GRIN2A: variants seen among roughly 807,000 people sequenced by gnomAD.
GRIN2A encodes glutamate ionotropic receptor NMDA type subunit 2A, also known as glutamate receptor ionotropic, NMDA 2A.
In GRIN2A, 22 loss-of-function variants were observed where a neutral mutation model predicts 113.4. The observed-to-expected ratio is 0.19, with a 90% CI of 0.14 to 0.28. The LOEUF is 0.28. GRIN2A is among the 10% of genes least tolerant of loss of function. GRIN2A has a pLI of 1.00. For missense variants in GRIN2A, 1,502 were observed against 1,887.0 expected, an observed-to-expected ratio of 0.80 and a Z score of 3.78; for synonymous variants, 827 against 738.4, an observed-to-expected ratio of 1.12 and a Z score of -1.94.
At chr16:10,121,486 G>A (rs1220288710) in intron 2 of GRIN2A, 1 of 152,098 alleles carries the variant, frequency 6.6e-6, no homozygotes. Flanking sequence ...CAGAGCCCCG[G>A]GAGCCCACAC....
intron 2 of GRIN2A, among the ~76,000 whole-genome samples, chr16:9,988,382 C>T (rs375984326): frequency 6.6e-6 from 1 of 152,020 alleles, no homozygotes; most frequent in Admixed American, 6.6e-5. Flanking sequence ...AATTATACCA[C>T]TCAATTTTCT....
intron 2 of GRIN2A, among the ~76,000 whole-genome samples, chr16:10,074,032 T>C (rs948574860): frequency 6.6e-5 from 10 of 151,604 alleles, no homozygotes; most frequent in African/African-American, 2.4e-4. Flanking sequence ...AACTCAACAA[T>C]AGAAAGGCGA....
chr16:10,063,842 G>C (rs1287660491), intron 2 of GRIN2A, among the ~76,000 whole-genome samples: 1 of 152,136 alleles, frequency 6.6e-6, no homozygotes, highest in Admixed American at 6.5e-5. Context: ...TTCATTTCTT[G>C]CACCGCCAAA....
chr16:10,088,727 A>G (rs1383023420), intron 2 of GRIN2A, among the ~76,000 whole-genome samples: 1 of 152,138 alleles, frequency 6.6e-6, no homozygotes, highest in Non-Finnish European at 1.5e-5. Flanking sequence ...AGACTATCCC[A>G]ACCCCCACCT....
chr16:9,895,091 A>T (rs183288824), intron 3 of GRIN2A, among the ~76,000 whole-genome samples: 21 of 152,320 alleles, frequency 1.4e-4, no homozygotes, highest in African/African-American at 4.8e-4. Flanking sequence ...AATGACCAAA[A>T]ATACTTAATT....
intron 2 of GRIN2A, among the ~76,000 whole-genome samples, chr16:10,052,717 T>C (rs973598481): frequency 6.6e-6 from 1 of 152,130 alleles, no homozygotes. Context: ...AACTGGGAGC[T>C]TCTCCTAAAT....
intron 2 of GRIN2A, among the ~76,000 whole-genome samples, chr16:10,090,583 G>GA (rs1356666098): frequency 6.6e-6 from 1 of 150,872 alleles, no homozygotes; most frequent in African/African-American, 2.4e-5. Context: ...AAGGCTCCTT[G>GA]AAAAAAAAAT....
chr16:9,869,696 T>C (rs375732318), intron 4 of GRIN2A, among the ~76,000 whole-genome samples: 2 of 152,212 alleles, frequency 1.3e-5, no homozygotes, highest in Admixed American at 1.3e-4. Context: ...CACATCATAT[T>C]ATTCTCATGG....
intron 2 of GRIN2A, among the ~76,000 whole-genome samples, chr16:9,949,880 G>A (rs981745215): frequency 1.3e-5 from 2 of 152,258 alleles, no homozygotes; most frequent in South Asian, 2.1e-4. Flanking sequence ...TAGTAGCACA[G>A]TGATGGGTTA....
At chr16:10,167,028 G>C (rs1456154809) in intron 2 of GRIN2A, among the ~76,000 whole-genome samples, 1 of 152,188 alleles carries the variant, frequency 6.6e-6, no homozygotes, top group Non-Finnish European at 1.5e-5. Flanking sequence ...CTGATCAACA[G>C]TGGGCTATAG....
At chr16:9,852,625 T>C (rs1427314377) in intron 4 of GRIN2A, among the ~76,000 whole-genome samples, 3 of 152,170 alleles carry the variant, frequency 2.0e-5, no homozygotes, top group Non-Finnish European at 4.4e-5. Context: ...GATCAGGAGC[T>C]GAAGCTGCTG....
intron 2 of GRIN2A, among the ~76,000 whole-genome samples, chr16:10,168,506 A>G (rs562802257): frequency 6.6e-6 from 1 of 152,136 alleles, no homozygotes; most frequent in Non-Finnish European, 1.5e-5. Context: ...ACCCAACCCA[A>G]CCTTGCAAGC....
chr16:9,975,275 T>A (rs1399658950), intron 2 of GRIN2A, among the ~76,000 whole-genome samples: 1 of 152,150 alleles, frequency 6.6e-6, no homozygotes, highest in Non-Finnish European at 1.5e-5. Flanking sequence ...GAATGTGTTA[T>A]GTTACATGAA....
chr16:9,826,425 G>T (rs186755138), intron 9 of GRIN2A, among the ~76,000 whole-genome samples: 71 of 152,222 alleles, frequency 4.7e-4, no homozygotes, highest in Non-Finnish European at 4.0e-4. Context: ...CAGCTCATCT[G>T]AGCACACCAT....
intron 4 of GRIN2A, among the ~76,000 whole-genome samples, chr16:9,864,810 T>C (rs1724409404): frequency 6.6e-6 from 1 of 152,198 alleles, no homozygotes; most frequent in Admixed American, 6.5e-5. Context: ...GTAGCAGGTC[T>C]CTGATGGGCA....
chr16:10,131,919 G>T (rs374535558), intron 2 of GRIN2A, among the ~76,000 whole-genome samples: 1 of 151,982 alleles, frequency 6.6e-6, no homozygotes, highest in Non-Finnish European at 1.5e-5. Flanking sequence ...ACTTATGAGC[G>T]CTTATGATGT....
intron 2 of GRIN2A, among the ~76,000 whole-genome samples, chr16:9,971,422 C>T (rs1158166691): frequency 1.3e-5 from 2 of 152,328 alleles, no homozygotes; most frequent in African/African-American, 4.8e-5. Context: ...CCATCTCATA[C>T]ATTTCAGCCC....
At chr16:9,907,282 G>T (rs530608296) in intron 3 of GRIN2A, among the ~76,000 whole-genome samples, 32 of 152,230 alleles carry the variant, frequency 2.1e-4, no homozygotes, top group Non-Finnish European at 4.0e-4. Flanking sequence ...ATACAATATG[G>T]GAATACAAAC....
chr16:9,998,188 A>C (rs995171715), intron 2 of GRIN2A, among the ~76,000 whole-genome samples: 2 of 152,080 alleles, frequency 1.3e-5, no homozygotes, highest in Non-Finnish European at 2.9e-5. Flanking sequence ...CATGGTGCTC[A>C]TGTGTCATGG....
Sources: allele counts gnomAD v4.1 joint callset (sites outside exome capture counted in the v4.1 genomes callset), GRCh38; gene constraint gnomAD v4.1.1; transcripts MANE v1.5; gene names NCBI Gene and HGNC (gene_info 2026-07-23, HGNC 2026-07-21).